Variants in COL28A1 observed in about 807,000 individuals in gnomAD.
COL28A1 encodes collagen type XXVIII alpha 1 chain, also known as collagen alpha-1(XXVIII) chain.
A neutral mutation model predicts 150.2 loss-of-function variants in COL28A1; 161 were observed. That is an observed-to-expected ratio of 1.07 (90% CI 0.94 to 1.22). COL28A1 has a LOEUF of 1.22. Ranked by LOEUF, COL28A1 falls within the 50% of genes most tolerant of loss-of-function variation. The pLI is 0.00. For synonymous variants in COL28A1, 552 were observed against 469.7 expected (o/e 1.18, Z -2.26); for missense variants, 1,617 against 1,388.3 (o/e 1.16, Z -2.62).
rs1032582379 is a variant in COL28A1 at position 7,377,548 on chromosome 7, G to A, written c.2323-2051C>T. 4.6e-5 allele frequency among the ~76,000 whole-genome samples: 7 copies of A among 152,092 alleles called. No homozygotes were observed. In the East Asian group the frequency reaches 5.8e-4, roughly 13 times the overall value. On this transcript the variant is annotated intron_variant, in intron 30 of 34. Coordinates refer to ENST00000399429, the MANE Select transcript of COL28A1 (RefSeq NM_001037763.3). ...AGGGGAGCGTTCAGGCAAGGTGGTC[G>A]GCCTTCTGTCAGAGCATACTGCATT...
intron 15 of COL28A1, among the ~76,000 whole-genome samples, chr7:7,459,610 C>T (rs1040190491): frequency 3.2e-4 from 49 of 152,228 alleles, no homozygotes; most frequent in African/African-American, 1.1e-3. Flanking sequence ...GGCAGCTTCA[C>T]TTCCAATGCT....
At chr7:7,435,414 G>T (rs1411217374) in intron 23 of COL28A1, among the ~76,000 whole-genome samples, 2 of 152,158 alleles carry the variant, frequency 1.3e-5, no homozygotes, top group Non-Finnish European at 2.9e-5. Context: ...GGGATCTGTG[G>T]GAAGTAGACG....
At chr7:7,435,819 G>A (rs1175111166) in intron 23 of COL28A1, among the ~76,000 whole-genome samples, 4 of 152,148 alleles carry the variant, frequency 2.6e-5, no homozygotes, top group Non-Finnish European at 5.9e-5. Context: ...GGGCCCTGAA[G>A]CTTGTCCTCA....
chr7:7,428,845 G>T (rs561708503), intron 25 of COL28A1, among the ~76,000 whole-genome samples: 5 of 152,182 alleles, frequency 3.3e-5, no homozygotes, highest in African/African-American at 4.8e-5. Flanking sequence ...ATCTCAGAAG[G>T]TCTTGCCGAA....
chr7:7,383,603 C>T (rs1422743769), intron 27 of COL28A1, among the ~76,000 whole-genome samples: 1 of 148,220 alleles, frequency 6.7e-6, no homozygotes, highest in Non-Finnish European at 1.5e-5. Flanking sequence ...TTTAAATTTC[C>T]AATAAATGAT....
At chr7:7,394,014 GC>G (rs779476674) in intron 27 of COL28A1, among the ~76,000 whole-genome samples, 9 of 151,820 alleles carry the variant, frequency 5.9e-5, no homozygotes, top group Non-Finnish European at 1.3e-4. Flanking sequence ...CTCGGTGTCT[GC>G]CCAAACAGCC....
At position 7,370,814 on chromosome 7, in the gene COL28A1, C is replaced by T; in HGVS notation, c.2977G>A (p.Gly993Ser). Residue 993 changes from glycine (G) to serine (S), a missense_variant, in exon 33 of 35, where the codon GGT becomes AGT. Physicochemically the swap from Gly to Ser is moderately conservative, Grantham distance 56 (BLOSUM62 0). Coordinates refer to ENST00000399429, the MANE Select transcript of COL28A1 (RefSeq NM_001037763.3). ...AATCCAGGTTGAGGTGACGATGAACCAAAAATTTGAACGAGATAGGAATCA... is the reference window on the plus strand; with the variant it reads ...AATCCAGGTTGAGGTGACGATGAACTAAAAATTTGAACGAGATAGGAATCA... ...DFDSYLVQIF[G>S]SSSPQPGFGM... 6.2e-7 allele frequency: 1 copy of T among 1,613,336 alleles called. No individual in the cohort carries two copies. Among genetic ancestry groups the T allele is most frequent in the Non-Finnish European group, 8.5e-7 (1 of 1,179,530 alleles).
chr7:7,541,511 A>T, the COL28A1 span, among the ~76,000 whole-genome samples: 16 of 152,356 alleles, frequency 1.1e-4, no homozygotes, highest in East Asian at 2.3e-3. Context: ...CCAAATTCAG[A>T]AATGCCAAAT....
chr7:7,494,415 A>C (rs1259028735), intron 11 of COL28A1, among the ~76,000 whole-genome samples: 1 of 152,168 alleles, frequency 6.6e-6, no homozygotes, highest in East Asian at 1.9e-4. Context: ...GTCTTGTAGA[A>C]CCTTGGTTCT....
chr7:7,406,715 G>A (rs1783511692), intron 27 of COL28A1, among the ~76,000 whole-genome samples: 1 of 152,032 alleles, frequency 6.6e-6, no homozygotes, highest in Admixed American at 6.6e-5. Context: ...ATAATGCAAA[G>A]GCTCAAAGGA....
At chr7:7,376,527 C>G (rs1034002794) in intron 30 of COL28A1, among the ~76,000 whole-genome samples, 3 of 152,020 alleles carry the variant, frequency 2.0e-5, no homozygotes, top group Non-Finnish European at 4.4e-5. Flanking sequence ...TACAATTCTA[C>G]AAAATGAGAG....
chr7:7,380,228 A>G (rs1001803740), intron 30 of COL28A1, among the ~76,000 whole-genome samples: 1 of 152,202 alleles, frequency 6.6e-6, no homozygotes, highest in Admixed American at 6.5e-5. Context: ...GAATCAATAT[A>G]TAACTATAAT....
intron 15 of COL28A1, among the ~76,000 whole-genome samples, chr7:7,471,503 T>C (rs55798422): frequency 6.6e-6 from 1 of 152,038 alleles, no homozygotes; most frequent in Non-Finnish European, 1.5e-5. Context: ...CAACAACGTA[T>C]CAAAAAGATA....
intron 26 of COL28A1, among the ~76,000 whole-genome samples, chr7:7,419,080 A>C (rs1784259019): frequency 6.6e-6 from 1 of 152,190 alleles, no homozygotes; most frequent in African/African-American, 2.4e-5. Context: ...TGGTTCATTG[A>C]CATCTATTTT....
At position 7,531,828 on chromosome 7, in the gene COL28A1, C is replaced by A; in HGVS notation, c.201G>T (p.Gln67His). The A allele has an allele frequency of 6.2e-7, 1 of 1,606,836 alleles. No individual in the cohort carries two copies. The highest frequency in any genetic ancestry group is 8.5e-7 in the Non-Finnish European group (1 of 1,173,402). ...ESSKIALFDK[Q>H]KDFVDSLSDK... ...CACTCAAGCTATCCACAAAATCTTTCTGTTTATCAAAGAGGGCAATTTTAG... is the reference window on the plus strand; with the variant it reads ...CACTCAAGCTATCCACAAAATCTTTATGTTTATCAAAGAGGGCAATTTTAG... The change falls in exon 3 of 35, where the codon CAG (glutamine) becomes CAT (histidine). Residue 67 changes from glutamine (Q) to histidine (H), a missense_variant. Physicochemically the swap from Gln to His is conservative, Grantham distance 24. Transcript: ENST00000399429.
intron 15 of COL28A1, among the ~76,000 whole-genome samples, chr7:7,473,157 A>G (rs1440727098): frequency 6.6e-6 from 1 of 152,222 alleles, no homozygotes. Flanking sequence ...CAAATGCAAT[A>G]AAAACAAAGA....
Position 7,506,002 on chromosome 7 carries a change from G to C in COL28A1, c.1026+12C>G, listed in dbSNP as rs374330721. Reference sequence around the variant, plus strand: ...GGCACTCTGCCTGTCTTTAATCAAAGGGTAAGATTACCTTATTGCCTTGAA... The same window carrying C: ...GGCACTCTGCCTGTCTTTAATCAAACGGTAAGATTACCTTATTGCCTTGAA... On this transcript the variant is annotated intron_variant, in intron 11 of 34. Coordinates refer to ENST00000399429, the MANE Select transcript of COL28A1 (RefSeq NM_001037763.3). 1.5e-4 allele frequency: 183 copies of C among 1,222,196 alleles called. No homozygotes were observed. Among genetic ancestry groups the C allele is most frequent in the Non-Finnish European group, 2.0e-4 (168 of 821,990 alleles). 75.7% of individuals were successfully genotyped at this position (1,222,196 alleles called of 1,614,324 possible).
rs552898334 is a variant in COL28A1, at chr7:7,365,937, A to G, written c.3066+4788T>C. ...ACTGAAGGTTACTTATTTGCATTTT[A>G]AAGTTACTGGGGCCTTTAGGAACAC... is the stretch of plus-strand genomic sequence containing the variant. On this transcript the variant is annotated intron_variant, in intron 33 of 34. Coordinates refer to ENST00000399429, the MANE Select transcript of COL28A1 (RefSeq NM_001037763.3). Among the ~76,000 whole-genome samples, 3 of 152,242 alleles carry G rather than the reference A, an allele frequency of 2.0e-5. No homozygotes were observed. The South Asian group carries it at 6.2e-4, about 32-fold the overall frequency.
intron 11 of COL28A1, among the ~76,000 whole-genome samples, chr7:7,499,921 G>A (rs1007680956): frequency 6.6e-6 from 1 of 152,140 alleles, no homozygotes; most frequent in Admixed American, 6.5e-5. Context: ...TACTGGCATA[G>A]AAAATGTAAG....
Sources: allele counts gnomAD v4.1 joint callset (sites outside exome capture counted in the v4.1 genomes callset), GRCh38; gene constraint gnomAD v4.1.1; transcripts MANE v1.5; gene names NCBI Gene and HGNC (gene_info 2026-07-23, HGNC 2026-07-21).